Variants in ERC2 observed in about 807,000 individuals in gnomAD.
ERC2 encodes ELKS/RAB6-interacting/CAST family member 2.
Under a neutral mutation model 114.8 loss-of-function variants are expected in ERC2, and 42 were observed. That is an observed-to-expected ratio of 0.37 (90% CI 0.29 to 0.47). ERC2 has a LOEUF of 0.47. Among genes scored for constraint, ERC2 ranks in the 20% least tolerant of loss-of-function variants. The probability of loss-of-function intolerance (pLI) is 0.99; values close to 1 mark genes in which losing one functional copy is unlikely to be tolerated. For missense variants in ERC2, 939 were observed against 1,150.7 expected, an observed-to-expected ratio of 0.82 and a Z score of 2.66; for synonymous variants, 454 against 425.5, an observed-to-expected ratio of 1.07 and a Z score of -0.82.
chr3:55,857,756 G>A (rs1310138075), intron 14 of ERC2, among the ~76,000 whole-genome samples: 13 of 152,172 alleles, frequency 8.5e-5, no homozygotes, highest in Non-Finnish European at 1.8e-4. Flanking sequence ...AAAAAGAGAT[G>A]TCTGGCAAGA....
In ERC2 at chr3:55,560,612, G is replaced by T. The variant is rs1009448808; in HGVS notation, c.*40-49336C>A. On this transcript the variant is annotated intron_variant, in intron 17 of 17. Transcript: ENST00000288221. ...CCAACCCAGGACAGCCACCAGCTAA[G>T]TATCACTGAGGGACCACACTCCGTG... Among the ~76,000 whole-genome samples, 2 of 152,158 alleles carry T rather than the reference G, an allele frequency of 1.3e-5. 1 individual carries two copies. Among genetic ancestry groups the T allele is most frequent in the South Asian group, 4.1e-4 (2 of 4,822 alleles).
chr3:55,863,731 AATTAAT>A (rs1284324831), intron 14 of ERC2, among the ~76,000 whole-genome samples: 2 of 152,106 alleles, frequency 1.3e-5, no homozygotes, highest in African/African-American at 2.4e-5. Flanking sequence ...AAACAGGTGA[AATTAAT>A]ATTAATATTT....
intron 17 of ERC2, among the ~76,000 whole-genome samples, chr3:55,534,173 C>G (rs182380311): frequency 6.6e-6 from 1 of 152,224 alleles, no homozygotes; most frequent in African/African-American, 2.4e-5. Flanking sequence ...AATGCCAGCA[C>G]TTTGGAAGGC....
intron 7 of ERC2, among the ~76,000 whole-genome samples, chr3:56,064,854 G>C (rs1354915248): frequency 2.0e-5 from 3 of 152,150 alleles, no homozygotes; most frequent in Non-Finnish European, 4.4e-5. Flanking sequence ...AAGTTTTATT[G>C]GAACACAGCC....
chr3:56,173,559 T>C (rs1206348509), intron 3 of ERC2, 39 bp from the exon 4 acceptor site: 1 of 1,593,252 alleles, frequency 6.3e-7, no homozygotes, highest in East Asian at 2.2e-5. Flanking sequence ...TGACGGTTCA[T>C]CCTTCCGTTA....
chr3:56,301,675 G>A (rs2055884582), intron 2 of ERC2, among the ~76,000 whole-genome samples: 1 of 151,358 alleles, frequency 6.6e-6, no homozygotes, highest in Admixed American at 6.6e-5. Flanking sequence ...AGACTAGCCT[G>A]GGCAACATAG....
intron 2 of ERC2, among the ~76,000 whole-genome samples, chr3:56,377,895 G>A (rs995853756): frequency 1.9e-4 from 29 of 151,710 alleles, no homozygotes; most frequent in Admixed American, 5.3e-4. Context: ...AAAAAGTATC[G>A]GAGCATCCAA....
intron 13 of ERC2, among the ~76,000 whole-genome samples, chr3:55,894,180 A>G (rs1356846271): frequency 6.6e-6 from 1 of 152,156 alleles, no homozygotes; most frequent in Non-Finnish European, 1.5e-5. Context: ...ATAAAATAGT[A>G]TTTACATTTA....
At chr3:56,409,228 A>G (rs2060846693) in intron 2 of ERC2, among the ~76,000 whole-genome samples, 1 of 152,182 alleles carries the variant, frequency 6.6e-6, no homozygotes, top group African/African-American at 2.4e-5. Flanking sequence ...GTCCAGGCTC[A>G]CCAAATTGTA....
chr3:56,009,471 A>T (rs967959969), intron 9 of ERC2, among the ~76,000 whole-genome samples: 3 of 152,242 alleles, frequency 2.0e-5, no homozygotes, highest in Middle Eastern at 3.4e-3. Flanking sequence ...TTCCTAATTT[A>T]TTCAGGACTT....
chr3:55,665,531 T>G (rs1270729186), intron 17 of ERC2, among the ~76,000 whole-genome samples: 1 of 152,050 alleles, frequency 6.6e-6, no homozygotes, highest in Admixed American at 6.6e-5. Context: ...ACACATGCAC[T>G]CAACAACGCC....
intron 3 of ERC2, among the ~76,000 whole-genome samples, chr3:56,200,598 C>G (rs1353351605): frequency 6.6e-6 from 1 of 152,190 alleles, no homozygotes; most frequent in Non-Finnish European, 1.5e-5. Flanking sequence ...ATATTCCTCA[C>G]ATTAACACCA....
intron 13 of ERC2, among the ~76,000 whole-genome samples, chr3:55,893,073 C>T (rs1352856296): frequency 1.3e-5 from 2 of 152,124 alleles, no homozygotes; most frequent in Non-Finnish European, 2.9e-5. Context: ...CACGGCAAGA[C>T]GTCAGCAGTT....
chr3:55,796,944 A>G (rs1192988711), intron 14 of ERC2, among the ~76,000 whole-genome samples: 1 of 152,260 alleles, frequency 6.6e-6, no homozygotes, highest in African/African-American at 2.4e-5. Flanking sequence ...TTTTTCCCAC[A>G]TATGTGAGAG....
intron 13 of ERC2, among the ~76,000 whole-genome samples, chr3:55,907,143 G>A (rs1433272119): frequency 6.6e-6 from 1 of 152,226 alleles, no homozygotes; most frequent in Non-Finnish European, 1.5e-5. Context: ...GATGTCACCT[G>A]TATTGCTGGG....
chr3:55,662,045 A>C (rs2061161093), intron 17 of ERC2, among the ~76,000 whole-genome samples: 1 of 152,226 alleles, frequency 6.6e-6, no homozygotes, highest in African/African-American at 2.4e-5. Context: ...TCAAACTGTC[A>C]GCCAGCAGGG....
At chr3:55,973,093 G>A (rs2069297617) in intron 12 of ERC2, among the ~76,000 whole-genome samples, 1 of 152,152 alleles carries the variant, frequency 6.6e-6, no homozygotes, top group Admixed American at 6.6e-5. Context: ...CATCCTGCGA[G>A]GAGGAGGGAA....
At chr3:56,338,519 T>G (rs1334528723) in intron 2 of ERC2, among the ~76,000 whole-genome samples, 2 of 152,184 alleles carry the variant, frequency 1.3e-5, no homozygotes, top group East Asian at 1.9e-4. Context: ...TTCATAGAAC[T>G]GTCTAACCTT....
intron 14 of ERC2, among the ~76,000 whole-genome samples, chr3:55,854,436 G>A (rs948076375): frequency 6.6e-6 from 1 of 152,164 alleles, no homozygotes; most frequent in Non-Finnish European, 1.5e-5. Context: ...CCTTAGCTAA[G>A]GAATCCAAAA....
Sources: gnomAD v4.1 joint callset for allele counts (sites outside exome capture counted in the v4.1 genomes callset) on GRCh38, gnomAD v4.1.1 for gene constraint, MANE v1.5 for transcripts, NCBI Gene and HGNC (gene_info 2026-07-23, HGNC 2026-07-21) for gene names.